Variants in CRMP1 observed in about 807,000 individuals in gnomAD.
CRMP1 encodes dihydropyrimidinase-related protein 1.
In CRMP1, 19 loss-of-function variants were observed where a neutral mutation model predicts 68.3. The observed-to-expected ratio is 0.28, with a 90% CI of 0.19 to 0.41. The LOEUF (loss-of-function observed/expected upper bound fraction) is 0.41. CRMP1 is among the 10% of genes least tolerant of loss of function. CRMP1 has a pLI of 1.00. For synonymous variants in CRMP1, 439 were observed against 399.6 expected, an observed-to-expected ratio of 1.10 and a Z score of -1.18; for missense variants, 791 against 967.4, an observed-to-expected ratio of 0.82 and a Z score of 2.42.
At position 5,839,552 on chromosome 4, in the gene CRMP1, G is replaced by A. The variant is rs1041659079; in HGVS notation, c.1280C>T (p.Thr427Met). The A allele has an allele frequency of 2.5e-6, 4 of 1,611,538 alleles. No individual in the cohort carries two copies. Among genetic ancestry groups the A allele is most frequent in the Non-Finnish European group, 2.5e-6 (3 of 1,178,964 alleles). ...CAGTAGGGAGGTCAAGTAGTCGGGC[G>A]TGGTAGGGTCCGGGCTCAGGGGAGG... ...TSPPLSPDPT[T>M]PDYLTSLLAC... is the part of the protein sequence containing the mutation. Residue 427 changes from threonine to methionine, a missense_variant, in exon 9 of 14, where the codon ACG becomes ATG. This residue lies in a region of CRMP1 where 594 missense variants were observed against 763.6 expected (regional missense o/e 0.78). Transcript: ENST00000324989.
rs764855735 is a variant in CRMP1, at chr4:5,821,825, T to G, written c.1996A>C (p.Arg666=). 3 of 1,607,948 alleles carry G rather than the reference T, an allele frequency of 1.9e-6. No homozygotes were observed. Among genetic ancestry groups the G allele is most frequent in the Non-Finnish European group, 2.5e-6 (3 of 1,178,298 alleles). Reference sequence around the variant, plus strand: ...GCCACGATGCGGTGGCCGGTGCGCCTGGGATTGTTGTCATCTATCTGGGCA... The same window carrying G: ...GCCACGATGCGGTGGCCGGTGCGCCGGGGATTGTTGTCATCTATCTGGGCA... ...SGAQIDDNNP[R]RTGHRIVAPP... The change falls in exon 14 of 14, where the codon AGG becomes CGG. Residue 666 remains arginine (R), a synonymous_variant. Transcript: ENST00000324989. The surrounding 1 kb of genome is among the most constrained non-coding windows in gnomAD (Gnocchi z 4.4).
intron 13 of CRMP1, among the ~76,000 whole-genome samples, chr4:5,822,417 G>A (rs1718772998): frequency 6.6e-6 from 1 of 150,972 alleles, no homozygotes; most frequent in Non-Finnish European, 1.5e-5. Flanking sequence ...GTATATGCAT[G>A]TGCATATGTG....
At chr4:5,857,209 CCCATCACCAGCACCACCATCATCA>C (rs1713197918) in intron 3 of CRMP1, among the ~76,000 whole-genome samples, 1 of 151,152 alleles carries the variant, frequency 6.6e-6, no homozygotes. Flanking sequence ...TCATCACCAC[CCCATCACCAGCACCACCATCATCA>C]CCATCACCAT....
At position 5,879,606 on chromosome 4, in the gene CRMP1, TA is replaced by T. The variant is rs1185608497; in HGVS notation, c.382-12851del. 6.6e-6 allele frequency among the ~76,000 whole-genome samples: 1 copy of T among 152,176 alleles called. No individual in the cohort carries two copies. Among genetic ancestry groups the T allele is most frequent in the Admixed American group, 6.5e-5 (1 of 15,282 alleles). The stretch of plus-strand genomic sequence containing the variant: ...ACCTACCTCACAAGATTACTTGAAA[TA>T]ATATGTAAAAGCACCCAATACACTG... On this transcript the variant is annotated intron_variant, in intron 1 of 13. Coordinates refer to ENST00000324989, the MANE Select transcript of CRMP1 (RefSeq NM_001014809.3). This position sits in a 1 kb window ranked among gnomAD's most constrained non-coding sequence, Gnocchi z 4.2.
At position 5,842,202 on chromosome 4, in the gene CRMP1, C is replaced by T. The variant is rs1317767659; in HGVS notation, c.1033-774G>A. 1.3e-5 allele frequency among the ~76,000 whole-genome samples: 2 copies of T among 152,112 alleles called. No homozygotes were observed. Among genetic ancestry groups the T allele is most frequent in the South Asian group, 4.1e-4 (2 of 4,824 alleles). On this transcript the variant is annotated intron_variant, in intron 7 of 13. Transcript: ENST00000324989. This position sits in a 1 kb window ranked among gnomAD's most constrained non-coding sequence, Gnocchi z 4.5. ...GCAGTGAGCCAAGATGGCGCCACTT[C>T]ACTCCAGCCTGGGCGACAGAGCGAG...
chr4:5,864,623 T>C (rs529162471), intron 2 of CRMP1, among the ~76,000 whole-genome samples: 15 of 152,236 alleles, frequency 9.9e-5, no homozygotes, highest in Middle Eastern at 3.4e-3. Context: ...AGTGTGACAG[T>C]GGCTGCAACA....
At chr4:5,887,127 T>TGCCACCC (rs1210763384) in intron 1 of CRMP1, among the ~76,000 whole-genome samples, 1 of 152,168 alleles carries the variant, frequency 6.6e-6, no homozygotes, top group Non-Finnish European at 1.5e-5. Context: ...ACGTGGGTAA[T>TGCCACCC]GCCACCCGCA....
intron 2 of CRMP1, among the ~76,000 whole-genome samples, chr4:5,862,854 G>T (rs911245830): frequency 2.0e-5 from 3 of 152,154 alleles, no homozygotes; most frequent in African/African-American, 7.2e-5. Flanking sequence ...AGCCAGGCTG[G>T]AGTACAGTGG....
chr4:5,870,794 T>C lies in CRMP1; in HGVS notation c.382-4038A>G, dbSNP rs1219650598. On this transcript the variant is annotated intron_variant, in intron 1 of 13. Transcript: ENST00000324989. The surrounding 1 kb of genome is among the most constrained non-coding windows in gnomAD (Gnocchi z 6.0). ...CCCCAGAGAGGAAACTCACCAAGCC[T>C]CTTGACGGCAATCCGGGACCAATGG... Among the ~76,000 whole-genome samples the C allele has an allele frequency of 6.6e-6, 1 of 152,136 alleles. No individual in the cohort carries two copies. Among genetic ancestry groups the C allele is most frequent in the Non-Finnish European group, 1.5e-5 (1 of 68,024 alleles).
Position 5,821,821 on chromosome 4 carries a change from C to T in CRMP1, c.2000G>A (p.Arg667His), listed in dbSNP as rs759182182. The change falls in exon 14 of 14, where the codon CGC becomes CAC. Residue 667 changes from arginine to histidine, a missense_variant. Around this residue, in one of 3 missense-constraint regions of CRMP1, gnomAD observed 594 missense variants for 763.6 expected, o/e 0.78. Transcript: ENST00000324989. The surrounding 1 kb of genome is among the most constrained non-coding windows in gnomAD (Gnocchi z 4.4). The part of the protein sequence containing the change: ...GAQIDDNNPR[R>H]TGHRIVAPPG... The stretch of plus-strand genomic sequence containing the variant: ...GGGCGCCACGATGCGGTGGCCGGTG[C>T]GCCTGGGATTGTTGTCATCTATCTG... 1.9e-6 allele frequency: 3 copies of T among 1,609,874 alleles called. No homozygotes were observed. Among genetic ancestry groups the T allele is most frequent in the African/African-American group, 2.7e-5 (2 of 74,914 alleles).
chr4:5,821,707 GGATGGACAT>G lies in CRMP1; in HGVS notation c.*44_*52del. The G allele has an allele frequency of 6.6e-7, 1 of 1,504,860 alleles. No homozygotes were observed. The highest frequency in any genetic ancestry group is 9.1e-7 in the Non-Finnish European group (1 of 1,101,886). The allele number at this position is 1,504,860 out of a possible 1,614,324, so 93.2% of individuals were successfully genotyped here. A position where few individuals can be genotyped will look rare whatever the true frequency, so the allele number is the denominator to read the frequency against. ...GTTTCAAAAACACTGACAGGAAAAG[GGATGGACAT>G]GATTCCCAGAATCCTTCAGGCTAGC... On this transcript the variant is annotated 3_prime_UTR_variant, in exon 14 of 14. Coordinates refer to ENST00000324989, the MANE Select transcript of CRMP1 (RefSeq NM_001014809.3). This position sits in a 1 kb window ranked among gnomAD's most constrained non-coding sequence, Gnocchi z 4.4.
chr4:5,838,098 G>A lies in CRMP1; in HGVS notation c.1311-1192C>T, dbSNP rs550706088. 8.7e-4 allele frequency among the ~76,000 whole-genome samples: 133 copies of A among 152,248 alleles called. No individual in the cohort carries two copies. The highest frequency in any genetic ancestry group is 1.2e-3 in the Non-Finnish European group (81 of 68,014). ...TCCAGGAGGATAATCAGAAAATTAC[G>A]TCACTGAGGAGCCTTCTAGCAAAGA... On this transcript the variant is annotated intron_variant, in intron 9 of 13. Transcript: ENST00000324989. This position sits in a 1 kb window ranked among gnomAD's most constrained non-coding sequence, Gnocchi z 4.9.
chr4:5,824,367 G>C, intron 13 of CRMP1: 1 of 985,412 alleles, frequency 1.0e-6, no homozygotes, highest in Non-Finnish European at 1.2e-6. Context: ...CTTATGGAGA[G>C]TGAGATGAAT....
Position 5,833,550 on chromosome 4 carries a change from CAT to C in CRMP1, c.1623+2363_1623+2364del, listed in dbSNP as rs201692760. Among the ~76,000 whole-genome samples, 1,126 of 119,976 alleles carry C rather than the reference CAT, an allele frequency of 9.4e-3. 13 individuals are homozygous for C. The highest frequency in any genetic ancestry group is 0.048 in the African/African-American group (1,051 of 21,698). The allele number at this position is 119,976 out of a possible 152,430, so 78.7% of individuals were successfully genotyped here. A position where few individuals can be genotyped will look rare whatever the true frequency, so the allele number is the denominator to read the frequency against. On this transcript the variant is annotated intron_variant, in intron 11 of 13. Coordinates refer to ENST00000324989, the MANE Select transcript of CRMP1 (RefSeq NM_001014809.3). Reference sequence around the variant, plus strand: ...TAACAGCGTCCAGAGGAAACTTACACATGTGTCCTCTCTCTCTCTCCATTTTC... The same window carrying C: ...TAACAGCGTCCAGAGGAAACTTACACGTGTCCTCTCTCTCTCTCCATTTTC...
Position 5,860,886 on chromosome 4 carries a change from G to T in CRMP1, c.655+140C>A. The T allele has an allele frequency of 1.2e-6, 1 of 806,098 alleles. No individual in the cohort carries two copies. Among genetic ancestry groups the T allele is most frequent in the Non-Finnish European group, 1.9e-6 (1 of 524,510 alleles). 49.9% of individuals were successfully genotyped at this position (806,098 alleles called of 1,614,324 possible). ...GGTATGCTCTGTAAAACAGTGACCTGTGTCATAGGGCTGGGGGGAGAATGA... is the reference window on the plus strand; with the variant it reads ...GGTATGCTCTGTAAAACAGTGACCTTTGTCATAGGGCTGGGGGGAGAATGA... On this transcript the variant is annotated intron_variant, in intron 3 of 13. Transcript: ENST00000324989. The surrounding 1 kb of genome is among the most constrained non-coding windows in gnomAD (Gnocchi z 4.2).
At chr4:5,857,951 C>T (rs1471750808) in intron 3 of CRMP1, among the ~76,000 whole-genome samples, 1 of 152,214 alleles carries the variant, frequency 6.6e-6, no homozygotes, top group African/African-American at 2.4e-5. Context: ...CCACCCTTCA[C>T]AGGCAGATGT....
chr4:5,859,919 A>G lies in CRMP1; in HGVS notation c.655+1107T>C, dbSNP rs920324804. On this transcript the variant is annotated intron_variant, in intron 3 of 13. Coordinates refer to ENST00000324989, the MANE Select transcript of CRMP1 (RefSeq NM_001014809.3). The surrounding 1 kb of genome is among the most constrained non-coding windows in gnomAD (Gnocchi z 5.2). Reference sequence around the variant, plus strand: ...CAGGCCTCCTGAAACCGAAGAGCCTAACAGTTGAAAGAACATTTACAATAA... The same window carrying G: ...CAGGCCTCCTGAAACCGAAGAGCCTGACAGTTGAAAGAACATTTACAATAA... Among the ~76,000 whole-genome samples, 1 of 152,176 alleles carries G rather than the reference A, an allele frequency of 6.6e-6. No individual in the cohort carries two copies. The highest frequency in any genetic ancestry group is 2.4e-5 in the African/African-American group (1 of 41,444).
intron 13 of CRMP1, chr4:5,824,977 G>C (rs1312386968): frequency 1.0e-6 from 1 of 985,282 alleles, no homozygotes; most frequent in East Asian, 1.1e-4. Context: ...TTTGACACTG[G>C]ATTTCTTGGG....
intron 6 of CRMP1, among the ~76,000 whole-genome samples, chr4:5,848,291 A>C (rs923703585): frequency 4.6e-5 from 7 of 151,786 alleles, no homozygotes; most frequent in South Asian, 2.1e-4. Flanking sequence ...CTGTATTCTC[A>C]CCTGTAATAC....
Sources: gnomAD v4.1 joint callset for allele counts (sites outside exome capture counted in the v4.1 genomes callset) on GRCh38, gnomAD v4.1.1 for gene constraint, gnomAD v4.1.1 regional missense constraint, Gnocchi (gnomAD v3.1) non-coding constraint, MANE v1.5 for transcripts, NCBI Gene and HGNC (gene_info 2026-07-23, HGNC 2026-07-21) for gene names.